The following SEPTIN4 variants were observed in gnomAD, a reference collection of about 807,000 sequenced individuals.
The protein encoded by SEPTIN4 is septin-4.
In SEPTIN4, 52 loss-of-function variants were observed where a neutral mutation model predicts 107.1. That is an observed-to-expected ratio of 0.49 (90% CI 0.39 to 0.61). SEPTIN4 has a LOEUF of 0.61. SEPTIN4 is among the 20% of genes least tolerant of loss of function. SEPTIN4 has a pLI of 0.00. For synonymous variants in SEPTIN4, 417 were observed against 467.0 expected (o/e 0.89, Z 1.38); for missense variants, 1,048 against 1,243.5 (o/e 0.84, Z 2.36).
At chr17:58,539,255 C>A in intron 3 of SEPTIN4, 2 of 1,311,026 alleles carry the variant, frequency 1.5e-6, no homozygotes, top group Admixed American at 2.5e-5. Flanking sequence ...AAGGAGCCAC[C>A]CTGTTGCCAA....
chr17:58,526,988 G>T lies in SEPTIN4; in HGVS notation c.1615-10C>A. 1 of 1,614,010 alleles carries T rather than the reference G, an allele frequency of 6.2e-7. No homozygotes were observed. Among genetic ancestry groups the T allele is most frequent in the African/African-American group, 1.3e-5 (1 of 75,038 alleles). On this transcript the variant is annotated splice_polypyrimidine_tract_variant and intron_variant, in intron 3 of 13. Coordinates refer to ENST00000672673, the MANE Select transcript of SEPTIN4 (RefSeq NM_001368771.2). ...CCAGGAAACGCTTGATCTGGGGGAA[G>T]CGGGGTGGGTAGAATAGATGGGTGG...
intron 3 of SEPTIN4, 196 bp from the exon 4 acceptor site, chr17:58,527,174 A>C (rs1024527930): frequency 1.0e-6 from 1 of 969,494 alleles, no homozygotes. Context: ...AAGCCTCCCC[A>C]ATCCAATATG....
chr17:58,542,969 C>T lies in SEPTIN4; in HGVS notation c.1218G>A (p.Leu406=), dbSNP rs1308147944. 1 of 1,614,030 alleles carries T rather than the reference C, an allele frequency of 6.2e-7. No individual in the cohort carries two copies. Among genetic ancestry groups the T allele is most frequent in the South Asian group, 1.1e-5 (1 of 91,060 alleles). ...LSQKPSIHAE[L]ELTPRPLPPR... ...GAGGCAAGGGCCTAGGGGTCAGTTCCAGTTCTGCATGGATGGAGGGCTTTT... is the reference window on the plus strand; with the variant it reads ...GAGGCAAGGGCCTAGGGGTCAGTTCTAGTTCTGCATGGATGGAGGGCTTTT... Residue 406 remains leucine, a synonymous_variant, in exon 1 of 14, where the codon CTG becomes CTA. Transcript: ENST00000672673.
intron 3 of SEPTIN4, among the ~76,000 whole-genome samples, chr17:58,537,952 G>A (rs1341314838): frequency 6.6e-6 from 1 of 151,996 alleles, no homozygotes; most frequent in East Asian, 1.9e-4. Flanking sequence ...AGAAATGCCG[G>A]GTGCAGTGGT....
chr17:58,525,620 G>T, intron 6 of SEPTIN4, 75 bp downstream of exon 6: 2 of 1,337,738 alleles, frequency 1.5e-6, no homozygotes, highest in Non-Finnish European at 2.1e-6. Context: ...GTGGGGGAGA[G>T]CCCCATCCCC....
intron 3 of SEPTIN4, chr17:58,532,068 C>A (rs2043522262): frequency 9.0e-7 from 1 of 1,106,168 alleles, no homozygotes; most frequent in Non-Finnish European, 1.1e-6. Flanking sequence ...CCCGCCTCCC[C>A]GAGTGCGGAC....
At chr17:58,541,856 A>G (rs1364818879) in intron 2 of SEPTIN4, 66 bp downstream of exon 2, 1 of 1,613,852 alleles carries the variant, frequency 6.2e-7, no homozygotes. Context: ...CATAGATGCC[A>G]CTCCTCACCT....
chr17:58,532,081 C>G, intron 3 of SEPTIN4: 1 of 1,092,632 alleles, frequency 9.2e-7, no homozygotes. Context: ...GTGCGGACCG[C>G]TGCGGGAGGG....
intron 3 of SEPTIN4, chr17:58,528,985 C>T: frequency 1.8e-6 from 2 of 1,102,250 alleles, no homozygotes; most frequent in Non-Finnish European, 2.7e-6. Context: ...AGGGTCCTCA[C>T]CTCCTGCCTG....
rs375194184 is a variant in SEPTIN4, at chr17:58,523,369, CA to C, written c.2217-1269del. On this transcript the variant is annotated intron_variant, in intron 7 of 13. Transcript: ENST00000672673. ...TGGGCAACAGAGTGAGAACCAGTCT[CA>C]AAAAAAAAAAAAAAAGAAAGGAGGA... Among the ~76,000 whole-genome samples, 445 of 95,474 alleles carry C rather than the reference CA, an allele frequency of 4.7e-3. 1 individual carries two copies. Among genetic ancestry groups the C allele is most frequent in the South Asian group, 0.02 (64 of 3,156 alleles). 62.6% of individuals were successfully genotyped at this position (95,474 alleles called of 152,430 possible). A position where few individuals can be genotyped will look rare whatever the true frequency, so the allele number is the denominator to read the frequency against.
At chr17:58,532,272 TC>T in intron 3 of SEPTIN4, 1 of 220,626 alleles carries the variant, frequency 4.5e-6, no homozygotes, top group Non-Finnish European at 8.1e-6. Flanking sequence ...CAGCTCCTCG[TC>T]CCCGGGCTGC....
Position 58,542,674 on chromosome 17 carries a change from T to C in SEPTIN4, c.1513A>G (p.Lys505Glu). 1 of 1,614,094 alleles carries C rather than the reference T, an allele frequency of 6.2e-7. No homozygotes were observed. The highest frequency in any genetic ancestry group is 2.2e-5 in the East Asian group (1 of 44,886). ...TGAATGGGTTGTTTGCAGGTGTGCT[T>C]GGGGGTCTGTGGCACTTCACTCAGT... ...APLSEVPQTPKHTCKQPIQRF... is the reference protein window; with the variant it reads ...APLSEVPQTPEHTCKQPIQRF... The change falls in exon 1 of 14, where the codon AAG becomes GAG. Residue 505 changes from lysine to glutamate, a missense_variant. Around this residue, in one of 2 missense-constraint regions of SEPTIN4, gnomAD observed 787 missense variants for 871.8 expected, o/e 0.90. Transcript: ENST00000672673.
rs764611020 is a variant in SEPTIN4 at position 58,529,168 on chromosome 17, G to A, written c.1615-2190C>T. The A allele has an allele frequency of 3.7e-5, 59 of 1,614,134 alleles. No homozygotes were observed. The highest frequency in any genetic ancestry group is 2.0e-4 in the South Asian group (18 of 91,082). ...GAATTCCCTTGCCATCCCAGTGAAC[G>A]GTCCATGTCCCACGCTTCAGACTCC... On this transcript the variant is annotated intron_variant, in intron 3 of 13. Coordinates refer to ENST00000672673, the MANE Select transcript of SEPTIN4 (RefSeq NM_001368771.2).
chr17:58,524,957 A>T, intron 7 of SEPTIN4, 121 bp downstream of exon 7: 1 of 1,300,374 alleles, frequency 7.7e-7, no homozygotes, highest in Non-Finnish European at 1.1e-6. Context: ...GGGAAGTCAC[A>T]TGCTCAAGGT....
At chr17:58,525,534 G>A (rs1489888870) in intron 6 of SEPTIN4, 161 bp downstream of exon 6, 1 of 655,292 alleles carries the variant, frequency 1.5e-6, no homozygotes, top group East Asian at 2.7e-5. Context: ...TTAGGGAGCT[G>A]GCTGGTGGGC....
In SEPTIN4 at chr17:58,527,426, G is replaced by T. The variant is rs529046727; in HGVS notation, c.1615-448C>A. 552 of 309,294 alleles carry T rather than the reference G, an allele frequency of 1.8e-3. 1 individual carries two copies. Among genetic ancestry groups the T allele is most frequent in the Non-Finnish European group, 2.4e-3 (385 of 157,798 alleles). The allele number at this position is 309,294 out of a possible 1,614,324, so 19.2% of individuals were successfully genotyped here. On this transcript the variant is annotated intron_variant, in intron 3 of 13. Coordinates refer to ENST00000672673, the MANE Select transcript of SEPTIN4 (RefSeq NM_001368771.2). Reference sequence around the variant, plus strand: ...AAGGAGAGTACAGTGCATCAGAATGGGGCAGGGACATGAGGGAAGTAGGCA... The same window carrying T: ...AAGGAGAGTACAGTGCATCAGAATGTGGCAGGGACATGAGGGAAGTAGGCA...
intron 2 of SEPTIN4, 33 bp from the exon 3 acceptor site, chr17:58,540,706 A>AG (rs1268609072): frequency 3.0e-6 from 4 of 1,334,536 alleles, no homozygotes; most frequent in Non-Finnish European, 3.8e-6. Flanking sequence ...AGGCATTCCC[A>AG]GGGGGCAGCA....
In SEPTIN4 at chr17:58,521,950, T is replaced by C. The variant is rs769890519; in HGVS notation, c.2351+17A>G. 1.9e-6 allele frequency: 3 copies of C among 1,614,110 alleles called. No individual in the cohort carries two copies. The highest frequency in any genetic ancestry group is 2.5e-6 in the Non-Finnish European group (3 of 1,180,044). On this transcript the variant is annotated intron_variant, in intron 8 of 13. Transcript: ENST00000672673. This position sits in a 1 kb window ranked among gnomAD's most constrained non-coding sequence, Gnocchi z 6.4. ...ACAGCACCCGGTGGTGCCAGGAGCC[T>C]CAGGCTTGGACCATACCCATGGCCG...
chr17:58,532,691 G>A (rs974653863), intron 3 of SEPTIN4, among the ~76,000 whole-genome samples: 3 of 152,178 alleles, frequency 2.0e-5, no homozygotes, highest in Non-Finnish European at 2.9e-5. Flanking sequence ...TTAACAGGGC[G>A]GTGTAGCCTT....
Sources: allele counts gnomAD v4.1 joint callset (sites outside exome capture counted in the v4.1 genomes callset), GRCh38; gene constraint gnomAD v4.1.1; regional missense constraint gnomAD v4.1.1; non-coding constraint Gnocchi (gnomAD v3.1); transcripts MANE v1.5; gene names NCBI Gene and HGNC (gene_info 2026-07-23, HGNC 2026-07-21).